The following CTNND2 variants were observed in gnomAD, a reference collection of about 807,000 sequenced individuals.
CTNND2 encodes the protein catenin delta 2.
CTNND2 carries 22 observed loss-of-function variants against 144.4 expected under a neutral mutation model. The ratio of observed to expected loss-of-function variants is 0.15; its 90% CI spans 0.11 to 0.22. The LOEUF (loss-of-function observed/expected upper bound fraction) is 0.22. CTNND2 is among the 10% of genes least tolerant of loss of function. The probability of loss-of-function intolerance (pLI) is 1.00; values close to 1 mark genes in which losing one functional copy is unlikely to be tolerated. For synonymous variants in CTNND2, 751 were observed against 695.6 expected, an observed-to-expected ratio of 1.08 and a Z score of -1.25; for missense variants, 1,353 against 1,618.8, an observed-to-expected ratio of 0.84 and a Z score of 2.82.
chr5:11,378,000 C>T (rs1758106878), intron 7 of CTNND2, among the ~76,000 whole-genome samples: 1 of 152,148 alleles, frequency 6.6e-6, no homozygotes, highest in Non-Finnish European at 1.5e-5. Context: ...GCTGAACCTT[C>T]AGCAAAGGCA....
intron 10 of CTNND2, among the ~76,000 whole-genome samples, chr5:11,209,779 G>A (rs537007839): frequency 2.8e-4 from 42 of 151,810 alleles, no homozygotes; most frequent in Non-Finnish European, 4.4e-4. Context: ...AAAATTAGCC[G>A]GGCATGGTGG....
chr5:11,181,057 G>A (rs1458192886), intron 11 of CTNND2, among the ~76,000 whole-genome samples: 3 of 152,162 alleles, frequency 2.0e-5, no homozygotes, highest in African/African-American at 7.2e-5. Context: ...GCTGACTGGT[G>A]GGGCAGGAAA....
At chr5:10,992,809 T>G in intron 18 of CTNND2, 132 bp from the exon 19 acceptor site, 2 of 1,230,100 alleles carry the variant, frequency 1.6e-6, no homozygotes, top group Non-Finnish European at 2.3e-6. Context: ...CTTGAAGTTC[T>G]GCGCTCTCAT....
intron 18 of CTNND2, among the ~76,000 whole-genome samples, chr5:11,012,702 C>A (rs1286400391): frequency 1.3e-5 from 2 of 152,136 alleles, no homozygotes; most frequent in Non-Finnish European, 2.9e-5. Flanking sequence ...TGCTGTGGAC[C>A]CCTGGCCATG....
At chr5:10,989,073 AG>A (rs1435141569) in intron 19 of CTNND2, among the ~76,000 whole-genome samples, 1 of 152,154 alleles carries the variant, frequency 6.6e-6, no homozygotes, top group African/African-American at 2.4e-5. Context: ...ACTAGAAGAG[AG>A]GAAAAGCTGA....
At chr5:11,568,967 G>T (rs1024671964) in intron 2 of CTNND2, among the ~76,000 whole-genome samples, 3 of 152,182 alleles carry the variant, frequency 2.0e-5, no homozygotes. Context: ...TTCAGCAAAA[G>T]TGAGACTGTC....
chr5:11,671,093 G>A (rs189503774), intron 2 of CTNND2, among the ~76,000 whole-genome samples: 72 of 152,314 alleles, frequency 4.7e-4, no homozygotes, highest in Non-Finnish European at 5.9e-4. Flanking sequence ...TAAGAATGTT[G>A]AATACTGGCC....
intron 3 of CTNND2, among the ~76,000 whole-genome samples, chr5:11,436,990 A>G (rs759687334): frequency 2.6e-5 from 4 of 152,182 alleles, no homozygotes; most frequent in Non-Finnish European, 4.4e-5. Context: ...TATTTTCCCA[A>G]TATTGAAATA....
chr5:11,880,517 C>CTACT (rs35964945), intron 1 of CTNND2, among the ~76,000 whole-genome samples: 1 of 95,650 alleles, frequency 1.0e-5, no homozygotes, highest in Non-Finnish European at 2.3e-5. Flanking sequence ...CTACTACTAC[C>CTACT]ACTACTACTA....
rs56310600 is a variant in CTNND2 at position 11,865,902 on chromosome 5, C to CAAAAAAAAAAAAAAAAAA, written c.37+37914_37+37915insTTTTTTTTTTTTTTTTTT. On this transcript the variant is annotated intron_variant, in intron 1 of 21. Coordinates refer to ENST00000304623, the MANE Select transcript of CTNND2 (RefSeq NM_001332.4). ...GGCAACCTTTAGAAGCTGGAAGAGA[C>CAAAAAAAAAAAAAAAAAA]AAAAAAAAAAAAACGAGTTCTCCTC... 3.4e-4 allele frequency among the ~76,000 whole-genome samples: 30 copies of CAAAAAAAAAAAAAAAAAA among 87,436 alleles called. 2 individuals are homozygous for CAAAAAAAAAAAAAAAAAA. Among genetic ancestry groups the CAAAAAAAAAAAAAAAAAA allele is most frequent in the African/African-American group, 8.0e-4 (20 of 25,066 alleles). The allele number at this position is 87,436 out of a possible 152,430, so 57.4% of individuals were successfully genotyped here.
intron 10 of CTNND2, among the ~76,000 whole-genome samples, chr5:11,204,453 C>A (rs10055387): frequency 0.15 from 22,868 of 152,110 alleles, 1,950 homozygotes; most frequent in South Asian, 0.22. Flanking sequence ...CTTGTTTTTT[C>A]CTTAAAAGGT....
intron 9 of CTNND2, among the ~76,000 whole-genome samples, chr5:11,333,795 C>G (rs1239812499): frequency 6.6e-6 from 1 of 152,142 alleles, no homozygotes; most frequent in Non-Finnish European, 1.5e-5. Context: ...GACTCCTCAC[C>G]ATGGGCTGTT....
intron 9 of CTNND2, among the ~76,000 whole-genome samples, chr5:11,321,428 T>C (rs538817469): frequency 2.8e-4 from 43 of 152,288 alleles, no homozygotes; most frequent in Admixed American, 3.9e-4. Flanking sequence ...GTTTAAACAG[T>C]AGCCACCAAG....
At chr5:11,551,301 T>C (rs955871109) in intron 3 of CTNND2, among the ~76,000 whole-genome samples, 17 of 152,248 alleles carry the variant, frequency 1.1e-4, no homozygotes, top group African/African-American at 3.6e-4. Context: ...TTTCTTTCCC[T>C]GCCAATATTT....
chr5:11,364,949 T>C (rs1469191744), intron 7 of CTNND2, 59 bp from the exon 8 acceptor site: 7 of 1,453,100 alleles, frequency 4.8e-6, no homozygotes, highest in Non-Finnish European at 6.6e-6. Context: ...AGAACTTGTT[T>C]AATCAAAGAC....
intron 9 of CTNND2, among the ~76,000 whole-genome samples, chr5:11,241,645 T>C (rs556199444): frequency 6.6e-6 from 1 of 152,238 alleles, no homozygotes; most frequent in African/African-American, 2.4e-5. Context: ...GGGAATGATT[T>C]ATCTCCAAGG....
At chr5:11,636,024 A>G (rs1781679490) in intron 2 of CTNND2, among the ~76,000 whole-genome samples, 1 of 120,828 alleles carries the variant, frequency 8.3e-6, no homozygotes. Context: ...CAATGGTTTA[A>G]TCCCCCCCCA....
At chr5:11,670,936 G>C (rs1185143697) in intron 2 of CTNND2, among the ~76,000 whole-genome samples, 2 of 152,148 alleles carry the variant, frequency 1.3e-5, no homozygotes, top group Admixed American at 6.5e-5. Flanking sequence ...TCCATGTTTA[G>C]TGCTTCCTTC....
chr5:11,591,527 G>T (rs1779239482), intron 2 of CTNND2, among the ~76,000 whole-genome samples: 1 of 147,870 alleles, frequency 6.8e-6, no homozygotes, highest in Non-Finnish European at 1.5e-5. Context: ...TTCTAACATG[G>T]TTTCATTTCA....
Sources: allele counts gnomAD v4.1 joint callset (sites outside exome capture counted in the v4.1 genomes callset), GRCh38; gene constraint gnomAD v4.1.1; transcripts MANE v1.5; gene names NCBI Gene and HGNC (gene_info 2026-07-23, HGNC 2026-07-21).